Variants in RYR3 observed in about 807,000 individuals in gnomAD.
RYR3 encodes the protein brain ryanodine receptor-calcium release channel.
A neutral mutation model predicts 584.3 loss-of-function variants in RYR3; 207 were observed. The observed-to-expected ratio is 0.35, with a 90% CI of 0.32 to 0.40. The LOEUF (loss-of-function observed/expected upper bound fraction) is 0.40. Ranked by LOEUF, RYR3 falls within the 10% of genes least tolerant of loss-of-function variation. The pLI, the probability that RYR3 is intolerant of heterozygous loss-of-function variation, is 1.00. For missense variants in RYR3, 5,616 were observed against 6,089.2 expected (o/e 0.92, Z 2.59); for synonymous variants, 2,416 against 2,248.5 (o/e 1.07, Z -2.11).
chr15:33,689,334 A>C (rs1434709010), intron 38 of RYR3, among the ~76,000 whole-genome samples: 4 of 152,074 alleles, frequency 2.6e-5, no homozygotes. Flanking sequence ...TCAAACCTGC[A>C]TGTTATGCAC....
At chr15:33,834,003 C>T (rs894872541) in intron 86 of RYR3, among the ~76,000 whole-genome samples, 3 of 152,048 alleles carry the variant, frequency 2.0e-5, no homozygotes, top group South Asian at 2.1e-4. Flanking sequence ...GATTATTGAC[C>T]GCGCACTGTG....
At chr15:33,857,225 T>C (rs1365501032) in intron 98 of RYR3, among the ~76,000 whole-genome samples, 5 of 113,238 alleles carry the variant, frequency 4.4e-5, no homozygotes, top group African/African-American at 6.8e-5. Context: ...AGGCGGTAAG[T>C]AAGTCCAGTA....
intron 98 of RYR3, 50 bp from the exon 99 acceptor site, chr15:33,857,730 A>G (rs371686194): frequency 2.7e-5 from 43 of 1,608,862 alleles, no homozygotes; most frequent in Non-Finnish European, 3.3e-5. Flanking sequence ...GAACCTTTCA[A>G]GGTAGAGAAG....
At chr15:33,361,223 G>C (rs180715031) in intron 1 of RYR3, among the ~76,000 whole-genome samples, 2 of 152,274 alleles carry the variant, frequency 1.3e-5, no homozygotes, top group Non-Finnish European at 2.9e-5. Context: ...CTTTGGTAAA[G>C]ACACCCCTTT....
rs1198028892 is a variant in RYR3, at chr15:33,697,907, T to G, written c.6160T>G (p.Tyr2054Asp). Residue 2054 changes from tyrosine to aspartate, a missense_variant, in exon 40 of 104, where the codon TAC becomes GAC. By Grantham distance (160) the Tyr-to-Asp change is radical (BLOSUM62 -3). This residue lies in a region of RYR3 where 1,280 missense variants were observed against 1,426.2 expected (regional missense o/e 0.90). Coordinates refer to ENST00000634891, the MANE Select transcript of RYR3 (RefSeq NM_001036.6). ...LGDIMNNKVF[Y>D]QHPNLMRVLG... The stretch of plus-strand genomic sequence containing the variant: ...AGACATAATGAACAACAAGGTGTTT[T>G]ACCAGCATCCCAACCTCATGAGAGT... 2 of 1,613,136 alleles carry G rather than the reference T, an allele frequency of 1.2e-6. No individual in the cohort carries two copies. The highest frequency in any genetic ancestry group is 3.3e-5 in the Admixed American group (2 of 60,028).
At chr15:33,730,259 A>G (rs1395329118) in intron 47 of RYR3, among the ~76,000 whole-genome samples, 1 of 152,214 alleles carries the variant, frequency 6.6e-6, no homozygotes, top group African/African-American at 2.4e-5. Flanking sequence ...TAATGTTTTT[A>G]TAAATCAAAT....
At chr15:33,794,334 T>TATATAACATATAACATATA (rs1216564897) in intron 67 of RYR3, among the ~76,000 whole-genome samples, 2 of 87,076 alleles carry the variant, frequency 2.3e-5, no homozygotes, top group Admixed American at 1.4e-4. Context: ...TTTATATATG[T>TATATAACATATAACATATA]TTATATATAT....
chr15:33,420,907 C>A (rs568784752), intron 1 of RYR3, among the ~76,000 whole-genome samples: 15 of 152,176 alleles, frequency 9.9e-5, no homozygotes, highest in African/African-American at 3.6e-4. Context: ...ATTCTGCAGG[C>A]ATTTTTGAGT....
At chr15:33,314,531 A>G (rs751496194) in intron 1 of RYR3, among the ~76,000 whole-genome samples, 2 of 152,226 alleles carry the variant, frequency 1.3e-5, no homozygotes, top group Non-Finnish European at 2.9e-5. Flanking sequence ...AAAACACAAA[A>G]CGAAACAAAA....
At chr15:33,825,740 TTTTTTTC>T (rs1174802320) in intron 82 of RYR3, 64 bp downstream of exon 82, 855 of 740,578 alleles carry the variant, frequency 1.2e-3, no homozygotes, top group East Asian at 4.0e-3. Flanking sequence ...TTTTTTTTTT[TTTTTTTC>T]CCCATACAGA....
At chr15:33,555,933 G>T (rs1314804871) in intron 10 of RYR3, among the ~76,000 whole-genome samples, 1 of 152,104 alleles carries the variant, frequency 6.6e-6, no homozygotes, top group African/African-American at 2.4e-5. Flanking sequence ...GGTTTTTAAG[G>T]GCAATACGAA....
chr15:33,794,306 T>TA (rs1446855739), intron 67 of RYR3, among the ~76,000 whole-genome samples: 12 of 31,886 alleles, frequency 3.8e-4, no homozygotes, highest in South Asian at 4.2e-3. Context: ...TATATATATA[T>TA]TTTTATATAT....
intron 43 of RYR3, among the ~76,000 whole-genome samples, chr15:33,719,026 T>G (rs1457464509): frequency 1.3e-5 from 2 of 152,222 alleles, no homozygotes; most frequent in Non-Finnish European, 2.9e-5. Context: ...CAGTGAAGCT[T>G]GCTGAGCTAC....
At chr15:33,455,341 G>C (rs1007363284) in intron 1 of RYR3, among the ~76,000 whole-genome samples, 1 of 152,058 alleles carries the variant, frequency 6.6e-6, no homozygotes, top group Non-Finnish European at 1.5e-5. Flanking sequence ...ATGTTTAGGA[G>C]TTATAAATAA....
At chr15:33,818,813 T>A in intron 76 of RYR3, 129 bp downstream of exon 76, 1 of 669,614 alleles carries the variant, frequency 1.5e-6, no homozygotes, top group Non-Finnish European at 2.5e-6. Context: ...CTTGCTGCCT[T>A]ATATTTGGCC....
intron 16 of RYR3, among the ~76,000 whole-genome samples, chr15:33,600,860 G>T (rs1457888559): frequency 6.6e-6 from 1 of 152,100 alleles, no homozygotes; most frequent in Non-Finnish European, 1.5e-5. Flanking sequence ...TTTTTATTAA[G>T]ACCTGTAATA....
Position 33,631,301 on chromosome 15 carries a change from A to ATTT in RYR3, c.2867+16_2867+18dup. On this transcript the variant is annotated intron_variant, in intron 23 of 103. Transcript: ENST00000634891. ...GGTCAAACTGCCCAAAAAGTAGGTG[A>ATTT]TTTTTTTTTTAATGGTTCAAGACTT... 1 of 1,378,188 alleles carries ATTT rather than the reference A, an allele frequency of 7.3e-7. No homozygotes were observed. The highest frequency in any genetic ancestry group is 9.8e-7 in the Non-Finnish European group (1 of 1,020,268). The allele number at this position is 1,378,188 out of a possible 1,614,324, so 85.4% of individuals were successfully genotyped here.
At chr15:33,671,089 G>T (rs1257131747) in intron 38 of RYR3, among the ~76,000 whole-genome samples, 1 of 152,068 alleles carries the variant, frequency 6.6e-6, no homozygotes, top group South Asian at 2.1e-4. Context: ...CAACAATGCC[G>T]AGCTTTGTCT....
At chr15:33,589,692 T>A (rs2059029461) in intron 16 of RYR3, among the ~76,000 whole-genome samples, 1 of 152,228 alleles carries the variant, frequency 6.6e-6, no homozygotes, top group Admixed American at 6.5e-5. Context: ...CAATCCAAAG[T>A]TGCCAGCACT....
Sources: gnomAD v4.1 joint callset for allele counts (sites outside exome capture counted in the v4.1 genomes callset) on GRCh38, gnomAD v4.1.1 for gene constraint, gnomAD v4.1.1 regional missense constraint, MANE v1.5 for transcripts, NCBI Gene and HGNC (gene_info 2026-07-23, HGNC 2026-07-21) for gene names.